OPCML: variants seen among roughly 807,000 people sequenced by gnomAD.
The protein encoded by OPCML is opioid-binding protein/cell adhesion molecule.
In OPCML, 13 loss-of-function variants were observed where a neutral mutation model predicts 37.8. The ratio of observed to expected loss-of-function variants is 0.34; its 90% CI spans 0.22 to 0.55. The LOEUF is 0.55. OPCML is among the 20% of genes least tolerant of loss of function. OPCML has a pLI of 0.91. For synonymous variants in OPCML, 176 were observed against 168.8 expected (o/e 1.04, Z -0.33); for missense variants, 341 against 435.6 (o/e 0.78, Z 1.93).
At chr11:133,172,839 A>G (rs912547779) in intron 1 of OPCML, among the ~76,000 whole-genome samples, 1 of 152,240 alleles carries the variant, frequency 6.6e-6, no homozygotes, top group Admixed American at 6.5e-5. Context: ...AAATACCTAC[A>G]AGATACTAGG....
intron 2 of OPCML, among the ~76,000 whole-genome samples, chr11:132,702,296 T>G (rs1341030199): frequency 6.6e-6 from 1 of 152,208 alleles, no homozygotes; most frequent in Non-Finnish European, 1.5e-5. Flanking sequence ...GAAAATCTCC[T>G]TCATTTCTGA....
chr11:133,289,527 G>A (rs913425852), intron 1 of OPCML, among the ~76,000 whole-genome samples: 14 of 148,784 alleles, frequency 9.4e-5, no homozygotes, highest in South Asian at 6.6e-4. Context: ...CCCGGGAGGC[G>A]GAGCTTGCAG....
At chr11:132,722,399 C>A (rs1205553620) in intron 2 of OPCML, among the ~76,000 whole-genome samples, 6 of 151,930 alleles carry the variant, frequency 3.9e-5, no homozygotes, top group African/African-American at 4.8e-5. Context: ...ATGGTTGATT[C>A]TTCTTCTTAT....
chr11:133,487,954 C>G (rs1427672006), intron 1 of OPCML, among the ~76,000 whole-genome samples: 2 of 152,010 alleles, frequency 1.3e-5, no homozygotes, highest in East Asian at 3.9e-4. Flanking sequence ...CCCAGGGATG[C>G]AAGGATGGTT....
At chr11:132,716,253 T>C (rs1944471889) in intron 2 of OPCML, among the ~76,000 whole-genome samples, 2 of 152,160 alleles carry the variant, frequency 1.3e-5, no homozygotes, top group Admixed American at 6.5e-5. Context: ...GACCTGGGAA[T>C]CCCAGAGGCT....
chr11:133,305,304 C>T lies in OPCML; in HGVS notation c.61+226960G>A, dbSNP rs193271906. Among the ~76,000 whole-genome samples, 229 of 152,226 alleles carry T rather than the reference C, an allele frequency of 1.5e-3. 2 individuals carry two copies. Among genetic ancestry groups the T allele is most frequent in the African/African-American group, 5.2e-3 (218 of 41,536 alleles). ...CCCCTGTACCCCTCTCCAAGGACGA[C>T]CACAGCAACATGAGGATGTCAACAC... On this transcript the variant is annotated intron_variant, in intron 1 of 7. Coordinates refer to ENST00000524381, the MANE Select transcript of OPCML (RefSeq NM_001012393.5).
intron 1 of OPCML, among the ~76,000 whole-genome samples, chr11:133,133,261 C>T (rs1219475538): frequency 3.9e-5 from 6 of 152,112 alleles, no homozygotes; most frequent in African/African-American, 7.2e-5. Flanking sequence ...GAGTCTGGTT[C>T]GGAAGCAGTG....
intron 1 of OPCML, among the ~76,000 whole-genome samples, chr11:133,132,529 A>G (rs79537689): frequency 0.035 from 5,288 of 152,258 alleles, 135 homozygotes; most frequent in Non-Finnish European, 0.049. Flanking sequence ...TCTTTTAGGC[A>G]TGTACCCAAG....
chr11:133,032,027 A>G (rs1448032516), intron 1 of OPCML, among the ~76,000 whole-genome samples: 1 of 152,294 alleles, frequency 6.6e-6, no homozygotes, highest in African/African-American at 2.4e-5. Context: ...ATGAGATTAC[A>G]CTCTCTGTTC....
intron 3 of OPCML, among the ~76,000 whole-genome samples, chr11:132,572,437 A>G (rs1435070108): frequency 1.3e-5 from 2 of 152,184 alleles, no homozygotes; most frequent in South Asian, 2.1e-4. Context: ...TGTATGCTGT[A>G]AAGTAAGGGT....
chr11:132,693,510 G>T (rs1943484207), intron 2 of OPCML, among the ~76,000 whole-genome samples: 1 of 152,084 alleles, frequency 6.6e-6, no homozygotes, highest in Admixed American at 6.6e-5. Context: ...TGTGGGCAAA[G>T]GTAATAACAT....
intron 4 of OPCML, among the ~76,000 whole-genome samples, chr11:132,448,313 A>C (rs2096060612): frequency 6.6e-6 from 1 of 152,212 alleles, no homozygotes; most frequent in African/African-American, 2.4e-5. Context: ...AGCATTCATC[A>C]ATATTTTCAA....
intron 2 of OPCML, among the ~76,000 whole-genome samples, chr11:132,724,511 G>A (rs941562565): frequency 8.6e-5 from 13 of 151,922 alleles, no homozygotes; most frequent in African/African-American, 2.9e-4. Flanking sequence ...AAGAGATTTG[G>A]GTGGGGACAC....
At chr11:133,359,568 G>A (rs755707795) in intron 1 of OPCML, among the ~76,000 whole-genome samples, 16 of 151,374 alleles carry the variant, frequency 1.1e-4, no homozygotes, top group Admixed American at 1.3e-4. Flanking sequence ...TTATTTGACC[G>A]ATGAGAAAAC....
At chr11:133,260,971 T>G (rs1483536168) in intron 1 of OPCML, among the ~76,000 whole-genome samples, 1 of 152,214 alleles carries the variant, frequency 6.6e-6, no homozygotes, top group Non-Finnish European at 1.5e-5. Context: ...TTTTTTGTTC[T>G]GGCATCTCCG....
At position 132,781,299 on chromosome 11, in the gene OPCML, G is replaced by A. The variant is rs767571899; in HGVS notation, c.147-123980C>T. Among the ~76,000 whole-genome samples the A allele has an allele frequency of 1.0e-3, 153 of 152,000 alleles. 6 individuals are homozygous for A. Among genetic ancestry groups the A allele is most frequent in the Non-Finnish European group, 1.8e-4 (12 of 68,026 alleles). On this transcript the variant is annotated intron_variant, in intron 2 of 7. Coordinates refer to ENST00000524381, the MANE Select transcript of OPCML (RefSeq NM_001012393.5). The stretch of plus-strand genomic sequence containing the variant: ...ATGAGTGGGCCCCTTCCAGTCAACC[G>A]AAGACCCAAATAGGACAGAAGAACT...
intron 4 of OPCML, among the ~76,000 whole-genome samples, chr11:132,462,728 TC>T (rs1475817513): frequency 4.6e-5 from 7 of 152,180 alleles, no homozygotes; most frequent in African/African-American, 1.7e-4. Context: ...AATTCCCTGA[TC>T]CATCTCTTAG....
intron 1 of OPCML, among the ~76,000 whole-genome samples, chr11:133,266,542 G>A (rs1941664478): frequency 6.6e-6 from 1 of 152,172 alleles, no homozygotes; most frequent in Admixed American, 6.5e-5. Context: ...TCCCACTAAA[G>A]TGTGTGGTCA....
intron 1 of OPCML, among the ~76,000 whole-genome samples, chr11:132,975,583 A>C (rs866017341): frequency 4.3e-4 from 52 of 121,596 alleles, no homozygotes; most frequent in African/African-American, 1.5e-3. Context: ...AAAAAAAAAA[A>C]CAAGCACACT....
Sources: gnomAD v4.1 joint callset for allele counts (sites outside exome capture counted in the v4.1 genomes callset) on GRCh38, gnomAD v4.1.1 for gene constraint, MANE v1.5 for transcripts, NCBI Gene and HGNC (gene_info 2026-07-23, HGNC 2026-07-21) for gene names.